Variants in USP24 observed in about 807,000 individuals in gnomAD.
USP24 encodes the protein ubiquitin specific peptidase 24.
Under a neutral mutation model 361.6 loss-of-function variants are expected in USP24, and 97 were observed. The observed-to-expected ratio is 0.27, with a 90% CI of 0.23 to 0.32. The LOEUF (loss-of-function observed/expected upper bound fraction) is 0.32, where lower values mean the gene tolerates loss of function less well. Ranked by LOEUF, USP24 falls within the 10% of genes least tolerant of loss-of-function variation. USP24 has a pLI of 1.00. For synonymous variants in USP24, 1,098 were observed against 1,124.6 expected (o/e 0.98, Z 0.47); for missense variants, 2,353 against 3,165.6 (o/e 0.74, Z 6.16).
intron 1 of USP24, among the ~76,000 whole-genome samples, chr1:55,179,559 G>A (rs1004729959): frequency 4.0e-5 from 6 of 151,838 alleles, no homozygotes; most frequent in Non-Finnish European, 7.4e-5. Context: ...TCCTTCCCCC[G>A]TAAATCCTGG....
chr1:55,167,062 G>A (rs2100785137), intron 5 of USP24, among the ~76,000 whole-genome samples: 1 of 152,154 alleles, frequency 6.6e-6, no homozygotes, highest in African/African-American at 2.4e-5. Context: ...AGCATTCACT[G>A]TTCTAGGGAC....
chr1:55,206,657 T>TAAAAAAA (rs34127046), intron 1 of USP24, among the ~76,000 whole-genome samples: 9 of 130,478 alleles, frequency 6.9e-5, no homozygotes, highest in Non-Finnish European at 7.9e-5. Flanking sequence ...AGAAAAACAG[T>TAAAAAAA]AAAAAAAAAA....
At chr1:55,122,273 G>A (rs1409058701) in intron 36 of USP24, among the ~76,000 whole-genome samples, 1 of 152,294 alleles carries the variant, frequency 6.6e-6, no homozygotes, top group Admixed American at 6.5e-5. Flanking sequence ...TAAGCATACT[G>A]GAAAGAGGGA....
Position 55,138,669 on chromosome 1 carries a change from T to A in USP24, c.2867A>T (p.His956Leu), listed in dbSNP as rs773971423. 6.2e-7 allele frequency: 1 copy of A among 1,613,144 alleles called. No homozygotes were observed. ...AACATTAAGGGTTAAAAGATGTCCA[T>A]GAAATGAGGCACCATGAGGTAGAAT... ...RTILPHGASF[H>L]GHLLTLNVTY... is the part of the protein sequence containing the mutation. Residue 956 changes from histidine (H) to leucine (L), a missense_variant, in exon 26 of 68, where the codon CAT (histidine) becomes CTT (leucine). By Grantham distance (99) the His-to-Leu change is moderately conservative. Coordinates refer to ENST00000294383, the MANE Select transcript of USP24 (RefSeq NM_015306.3).
rs776536182 is a variant in USP24 at position 55,097,008 on chromosome 1, G to A, written c.5880C>T (p.Ile1960=). 2.5e-6 allele frequency: 4 copies of A among 1,613,732 alleles called. No homozygotes were observed. Among genetic ancestry groups the A allele is most frequent in the East Asian group, 2.2e-5 (1 of 44,868 alleles). The change falls in exon 49 of 68, where the codon ATC becomes ATT. Residue 1960 remains isoleucine (I), a synonymous_variant. Coordinates refer to ENST00000294383, the MANE Select transcript of USP24 (RefSeq NM_015306.3). ...LTENYELVGV[I]VHSGQAHAGH... is the part of the protein sequence containing the mutation. ...CTGCGTGTGCCTGCCCACTGTGTAC[G>A]ATGACACCGACAAGTTCATAGTTTT... is the stretch of plus-strand genomic sequence containing the variant.
At chr1:55,156,229 T>C (rs1647644094) in intron 12 of USP24, among the ~76,000 whole-genome samples, 1 of 152,112 alleles carries the variant, frequency 6.6e-6, no homozygotes, top group Non-Finnish European at 1.5e-5. Flanking sequence ...GTGTTACATA[T>C]TTAGATATAC....
chr1:55,104,105 A>C (rs1645711183), intron 41 of USP24, 85 bp from the exon 42 acceptor site: 1 of 1,461,644 alleles, frequency 6.8e-7, no homozygotes, highest in African/African-American at 1.4e-5. Flanking sequence ...TTGAAATGAA[A>C]GTAGAAGAGC....
chr1:55,095,535 T>C (rs1258723994), intron 50 of USP24, 139 bp from the exon 51 acceptor site: 5 of 934,304 alleles, frequency 5.4e-6, no homozygotes, highest in Non-Finnish European at 7.8e-6. Context: ...AAGTAAAATG[T>C]GAGTGTCTTT....
At chr1:55,105,437 G>C (rs941185256) in intron 41 of USP24, among the ~76,000 whole-genome samples, 1 of 152,096 alleles carries the variant, frequency 6.6e-6, no homozygotes, top group African/African-American at 2.4e-5. Context: ...ATTATGCCTT[G>C]TCCATTTCAA....
rs143194826 is a variant in USP24, at chr1:55,106,960, G to A, written c.4762+279C>T. ...ATTACAAAGTACATAACAGCAAAAA[G>A]AGAAAAATCTACTTTGAATTATAAT... On this transcript the variant is annotated intron_variant, in intron 40 of 67. Transcript: ENST00000294383. Among the ~76,000 whole-genome samples, 608 of 152,276 alleles carry A rather than the reference G, an allele frequency of 4.0e-3. 2 individuals are homozygous for A. Among genetic ancestry groups the A allele is most frequent in the Admixed American group, 7.2e-3 (110 of 15,290 alleles).
intron 1 of USP24, among the ~76,000 whole-genome samples, chr1:55,210,697 A>G (rs939284278): frequency 6.6e-6 from 1 of 152,216 alleles, no homozygotes; most frequent in African/African-American, 2.4e-5. Flanking sequence ...CAGCAGGACC[A>G]ACTTTGGGGC....
chr1:55,178,462 A>G (rs1650211460), intron 1 of USP24, among the ~76,000 whole-genome samples: 1 of 151,962 alleles, frequency 6.6e-6, no homozygotes, highest in Admixed American at 6.6e-5. Flanking sequence ...AGGTCAGGAG[A>G]TCGAGACCAT....
chr1:55,191,793 C>A (rs1056529157), intron 1 of USP24, among the ~76,000 whole-genome samples: 1 of 151,992 alleles, frequency 6.6e-6, no homozygotes, highest in Non-Finnish European at 1.5e-5. Context: ...CCTGGCCTGG[C>A]ACTTTTAATT....
At chr1:55,164,633 C>T (rs1648635688) in intron 7 of USP24, among the ~76,000 whole-genome samples, 1 of 151,998 alleles carries the variant, frequency 6.6e-6, no homozygotes, top group South Asian at 2.1e-4. Flanking sequence ...GTGTCAACTG[C>T]AGCAGACAAC....
At chr1:55,176,335 C>A (rs980538716) in intron 3 of USP24, 41 bp downstream of exon 3, 2 of 1,528,728 alleles carry the variant, frequency 1.3e-6, no homozygotes, top group Non-Finnish European at 1.8e-6. Flanking sequence ...CTGCCCCCAC[C>A]CCGACACACA....
intron 38 of USP24, 142 bp from the exon 39 acceptor site, chr1:55,110,388 A>G (rs1464603331): frequency 3.2e-6 from 2 of 626,862 alleles, no homozygotes; most frequent in Non-Finnish European, 5.4e-6. Context: ...CTCAAATTCC[A>G]TATTTTAGCA....
chr1:55,117,659 C>T (rs977009279), intron 38 of USP24, among the ~76,000 whole-genome samples: 2 of 147,116 alleles, frequency 1.4e-5, no homozygotes, highest in African/African-American at 5.1e-5. Flanking sequence ...ACCCGGGAAG[C>T]CGGGAAGCGG....
intron 26 of USP24, among the ~76,000 whole-genome samples, chr1:55,138,188 C>A (rs562252648): frequency 6.6e-6 from 1 of 152,312 alleles, no homozygotes; most frequent in African/African-American, 2.4e-5. Context: ...TCCCCTCACA[C>A]CAGCCACCTT....
intron 1 of USP24, among the ~76,000 whole-genome samples, chr1:55,193,291 G>A (rs1644336117): frequency 6.6e-6 from 1 of 152,082 alleles, no homozygotes; most frequent in Admixed American, 6.5e-5. Flanking sequence ...CGGTATCTGT[G>A]GGGAGGGCAG....
Sources: allele counts gnomAD v4.1 joint callset (sites outside exome capture counted in the v4.1 genomes callset), GRCh38; gene constraint gnomAD v4.1.1; transcripts MANE v1.5; gene names NCBI Gene and HGNC (gene_info 2026-07-23, HGNC 2026-07-21).